The following CGNL1 variants were observed in gnomAD, a reference collection of about 807,000 sequenced individuals.
The protein encoded by CGNL1 is cingulin-like protein 1.
Under a neutral mutation model 141.2 loss-of-function variants are expected in CGNL1, and 132 were observed. The observed-to-expected ratio is 0.93, with a 90% CI of 0.81 to 1.08. The LOEUF (loss-of-function observed/expected upper bound fraction) is 1.08, where lower values mean the gene tolerates loss of function less well. Ranked by LOEUF, CGNL1 falls within the 50% of genes least tolerant of loss-of-function variation. CGNL1 has a pLI of 0.00. For synonymous variants in CGNL1, 690 were observed against 622.1 expected (o/e 1.11, Z -1.63); for missense variants, 1,870 against 1,588.6 (o/e 1.18, Z -3.01).
chr15:57,421,660 C>A (rs1286911896), intron 1 of CGNL1, among the ~76,000 whole-genome samples: 1 of 152,068 alleles, frequency 6.6e-6, no homozygotes, highest in Non-Finnish European at 1.5e-5. Context: ...AGCAGGAGAG[C>A]CCACTTTTAC....
At chr15:57,467,871 G>A (rs180813547) in intron 8 of CGNL1, among the ~76,000 whole-genome samples, 2 of 151,908 alleles carry the variant, frequency 1.3e-5, no homozygotes, top group Non-Finnish European at 2.9e-5. Context: ...TACGTTTTTA[G>A]TAGAGATGGG....
chr15:57,497,699 G>A (rs11857296), intron 8 of CGNL1, among the ~76,000 whole-genome samples: 17,705 of 152,306 alleles, frequency 0.12, 1,319 homozygotes, highest in Admixed American at 0.2. Flanking sequence ...AGGCAGAGGG[G>A]CAGGCCCTGC....
chr15:57,484,380 A>T (rs2063762231), intron 8 of CGNL1, among the ~76,000 whole-genome samples: 1 of 152,106 alleles, frequency 6.6e-6, no homozygotes, highest in Non-Finnish European at 1.5e-5. Context: ...AAGTTGTCAG[A>T]TGTGTGTTGA....
intron 10 of CGNL1, among the ~76,000 whole-genome samples, chr15:57,519,320 C>G (rs367693496): frequency 6.6e-5 from 10 of 152,252 alleles, no homozygotes; most frequent in Admixed American, 2.0e-4. Flanking sequence ...TCCGGACCCA[C>G]TTGTAGTCAG....
chr15:57,461,607 T>TGGAGG, intron 7 of CGNL1, 73 bp from the exon 8 acceptor site: 1 of 1,287,984 alleles, frequency 7.8e-7, no homozygotes, highest in Non-Finnish European at 1.1e-6. Flanking sequence ...GGGACTGAAC[T>TGGAGG]GGAGGGGAGA....
chr15:57,477,690 G>A (rs1700661150), intron 8 of CGNL1: 1 of 152,214 alleles, frequency 6.6e-6, no homozygotes, highest in South Asian at 2.1e-4. Context: ...TTTGCTGCTT[G>A]GTTTTGGGGT....
chr15:57,424,168 C>T (rs1411829725), intron 1 of CGNL1, among the ~76,000 whole-genome samples: 1 of 152,220 alleles, frequency 6.6e-6, no homozygotes, highest in Non-Finnish European at 1.5e-5. Flanking sequence ...TCTGCCTTCC[C>T]ACTGATTCTT....
intron 1 of CGNL1, among the ~76,000 whole-genome samples, chr15:57,414,297 A>T (rs1248433490): frequency 6.6e-6 from 1 of 152,240 alleles, no homozygotes; most frequent in Non-Finnish European, 1.5e-5. Context: ...TCACAGGCAG[A>T]TTTGAACAGG....
chr15:57,452,372 C>A, intron 6 of CGNL1, 83 bp downstream of exon 6: 1 of 1,240,590 alleles, frequency 8.1e-7, no homozygotes, highest in Non-Finnish European at 1.1e-6. Flanking sequence ...TTTAATACTA[C>A]CCAGCCTTCC....
intron 8 of CGNL1, among the ~76,000 whole-genome samples, chr15:57,504,468 G>A (rs1438779292): frequency 6.6e-5 from 10 of 152,222 alleles, no homozygotes; most frequent in Non-Finnish European, 1.2e-4. Context: ...TGTGAGCCAG[G>A]TGGGCTGGAT....
At chr15:57,399,619 G>A (rs1294437091) in intron 1 of CGNL1, among the ~76,000 whole-genome samples, 2 of 150,650 alleles carry the variant, frequency 1.3e-5, no homozygotes, top group East Asian at 4.0e-4. Context: ...CACAAGAAAT[G>A]GACAGTGCTA....
intron 12 of CGNL1, chr15:57,527,712 A>G (rs1019465951): frequency 5.3e-5 from 8 of 152,232 alleles, no homozygotes; most frequent in Admixed American, 4.6e-4. Flanking sequence ...AAAAACAACA[A>G]CATTATAAAT....
chr15:57,461,620 C>T, intron 7 of CGNL1, 60 bp from the exon 8 acceptor site: 1 of 1,426,584 alleles, frequency 7.0e-7, no homozygotes, highest in Admixed American at 1.7e-5. Context: ...AGGGGAGATA[C>T]AGGGCCTCTC....
chr15:57,543,808 C>T (rs976887203), intron 15 of CGNL1, 29 bp downstream of exon 15: 1 of 1,544,246 alleles, frequency 6.5e-7, no homozygotes, highest in South Asian at 1.1e-5. Flanking sequence ...TGAGCTGCCC[C>T]CCCGTCCATC....
At chr15:57,479,129 C>T (rs2063692439) in intron 8 of CGNL1, among the ~76,000 whole-genome samples, 1 of 152,206 alleles carries the variant, frequency 6.6e-6, no homozygotes, top group Admixed American at 6.5e-5. Context: ...GCTTTTGGGT[C>T]CCTGGTTTAT....
In CGNL1 at chr15:57,451,567, C is replaced by T. The variant is rs1205791599; in HGVS notation, c.1871C>T (p.Ala624Val). 6.2e-7 allele frequency: 1 copy of T among 1,611,204 alleles called. No individual in the cohort carries two copies. The highest frequency in any genetic ancestry group is 1.7e-4 in the Middle Eastern group (1 of 6,048). Residue 624 changes from alanine to valine, a missense_variant, in exon 5 of 19, where the codon GCT becomes GTT. Ala to Val is a moderately conservative substitution (Grantham distance 64). Transcript: ENST00000281282. Reference protein sequence around the residue: ...EQKSKLTIEVAELQRQLQLEV... With the variant: ...EQKSKLTIEVVELQRQLQLEV... ...AAAAGCAAGTTGACCATAGAAGTGG[C>T]TGAACTTCAGAGACAGCTTCAACTG...
Position 57,438,873 on chromosome 15 carries a change from C to G in CGNL1, c.874C>G (p.Arg292Gly), listed in dbSNP as rs757961730. The G allele has an allele frequency of 3.1e-6, 5 of 1,614,034 alleles. No homozygotes were observed. The East Asian group carries it at 6.7e-5, about 22-fold the overall frequency. ...AGCGGGACCCGTCCTGGATGGAGCT[C>G]GGTCCCGGAGGTCCTCCTCGTCATC... Reference protein sequence around the residue: ...DSAGPVLDGARSRRSSSSSTT... With the variant: ...DSAGPVLDGAGSRRSSSSSTT... The change falls in exon 2 of 19, where the codon CGG (arginine) becomes GGG (glycine). Residue 292 changes from arginine to glycine, a missense_variant. Coordinates refer to ENST00000281282, the MANE Select transcript of CGNL1 (RefSeq NM_032866.5).
At position 57,547,641 on chromosome 15, in the gene CGNL1, C is replaced by A; in HGVS notation, c.*151C>A. The A allele has an allele frequency of 2.3e-6, 2 of 865,096 alleles. No individual in the cohort carries two copies. The highest frequency in any genetic ancestry group is 3.5e-6 in the Non-Finnish European group (2 of 575,992). 53.6% of individuals were successfully genotyped at this position (865,096 alleles called of 1,614,324 possible). On this transcript the variant is annotated 3_prime_UTR_variant, in exon 19 of 19. Coordinates refer to ENST00000281282, the MANE Select transcript of CGNL1 (RefSeq NM_032866.5). ...CAGCTCCTCAGTGTTACATTCCTCGCCAGGGTCTCTCAGTGGGTCTTCGAC... is the reference window on the plus strand; with the variant it reads ...CAGCTCCTCAGTGTTACATTCCTCGACAGGGTCTCTCAGTGGGTCTTCGAC...
At chr15:57,427,845 A>C (rs547064641) in intron 1 of CGNL1, among the ~76,000 whole-genome samples, 1 of 152,326 alleles carries the variant, frequency 6.6e-6, no homozygotes, top group Admixed American at 6.5e-5. Context: ...TACCTTGTGA[A>C]GTGGAGGCTG....
Sources: allele counts gnomAD v4.1 joint callset (sites outside exome capture counted in the v4.1 genomes callset), GRCh38; gene constraint gnomAD v4.1.1; transcripts MANE v1.5; gene names NCBI Gene and HGNC (gene_info 2026-07-23, HGNC 2026-07-21).